The following PDE4D variants were observed in gnomAD, a reference collection of about 807,000 sequenced individuals.
PDE4D encodes 3',5'-cyclic-AMP phosphodiesterase 4D.
PDE4D carries 24 observed loss-of-function variants against 87.4 expected under a neutral mutation model. The observed-to-expected ratio is 0.27, with a 90% CI of 0.20 to 0.39. The LOEUF is 0.39. Among genes scored for constraint, PDE4D ranks in the 10% least tolerant of loss-of-function variants. The probability of loss-of-function intolerance (pLI) is 1.00; values close to 1 mark genes in which losing one functional copy is unlikely to be tolerated. For synonymous variants in PDE4D, 384 were observed against 383.2 expected (o/e 1.00, Z -0.02); for missense variants, 714 against 1,041.0 (o/e 0.69, Z 4.32).
chr5:60,491,744 G>A (rs1286379537), upstream of PDE4D, among the ~76,000 whole-genome samples: 1 of 152,196 alleles, frequency 6.6e-6, no homozygotes, highest in Non-Finnish European at 1.5e-5. Flanking sequence ...AACATGTAAA[G>A]CAGTATAACA....
intron 5 of PDE4D, among the ~76,000 whole-genome samples, chr5:59,152,578 A>G (rs1193080376): frequency 1.3e-5 from 2 of 152,232 alleles, no homozygotes; most frequent in Non-Finnish European, 2.9e-5. Flanking sequence ...GACGAAGGAT[A>G]CATGAAGCTA....
intron 6 of PDE4D, chr5:58,999,562 T>TAC: frequency 8.5e-7 from 1 of 1,182,480 alleles, no homozygotes; most frequent in Non-Finnish European, 1.1e-6. Flanking sequence ...TGTATATATA[T>TAC]ATATATGTAT....
chr5:59,805,475 G>C (rs1160700324), intron 1 of PDE4D, among the ~76,000 whole-genome samples: 1 of 152,152 alleles, frequency 6.6e-6, no homozygotes. Context: ...AAAATTCATT[G>C]ACTTTTACAC....
At chr5:60,102,558 T>C (rs534583372) in intron 2 of PDE4D, among the ~76,000 whole-genome samples, 1 of 152,262 alleles carries the variant, frequency 6.6e-6, no homozygotes, top group East Asian at 1.9e-4. Context: ...TGTCACGTTT[T>C]GAAGAAACCT....
At chr5:59,611,941 T>G (rs551141979) in intron 1 of PDE4D, among the ~76,000 whole-genome samples, 8 of 152,200 alleles carry the variant, frequency 5.3e-5, no homozygotes, top group Admixed American at 2.0e-4. Context: ...GCCACCGGAT[T>G]CCACTTCCTA....
chr5:60,338,253 G>T (rs1583462990), intron 1 of PDE4D, among the ~76,000 whole-genome samples: 1 of 152,176 alleles, frequency 6.6e-6, no homozygotes, highest in Non-Finnish European at 1.5e-5. Context: ...TCCATTGGAA[G>T]GACATGCAGG....
At chr5:60,081,393 A>G (rs1317583590) in intron 2 of PDE4D, among the ~76,000 whole-genome samples, 1 of 144,098 alleles carries the variant, frequency 6.9e-6, no homozygotes, top group Non-Finnish European at 1.5e-5. Flanking sequence ...ATCTCCTTCA[A>G]TTCTTCTCTG....
At chr5:59,035,434 T>TA (rs1200943461) in intron 6 of PDE4D, among the ~76,000 whole-genome samples, 1 of 152,330 alleles carries the variant, frequency 6.6e-6, no homozygotes, top group Non-Finnish European at 1.5e-5. Context: ...CTAAGAATTA[T>TA]AAAAATCCAT....
chr5:59,619,251 T>C (rs1450719163), intron 1 of PDE4D, among the ~76,000 whole-genome samples: 1 of 151,986 alleles, frequency 6.6e-6, no homozygotes, highest in Non-Finnish European at 1.5e-5. Flanking sequence ...GTAGAGCAGA[T>C]TGGATGAGAT....
chr5:59,491,433 G>A (rs1806161770), intron 1 of PDE4D, among the ~76,000 whole-genome samples: 1 of 152,122 alleles, frequency 6.6e-6, no homozygotes, highest in African/African-American at 2.4e-5. Context: ...TTCCAGTAAA[G>A]CAAGTTATCA....
intron 5 of PDE4D, among the ~76,000 whole-genome samples, chr5:59,168,010 A>G (rs1782162547): frequency 6.6e-6 from 1 of 152,200 alleles, no homozygotes; most frequent in African/African-American, 2.4e-5. Flanking sequence ...TTTGTGTGGC[A>G]TATAGAATAC....
At chr5:59,419,717 ATATT>A (rs1241793957) in intron 1 of PDE4D, among the ~76,000 whole-genome samples, 2 of 152,220 alleles carry the variant, frequency 1.3e-5, no homozygotes, top group African/African-American at 2.4e-5. Flanking sequence ...AATGAGGCTA[ATATT>A]TATTATTGAC....
chr5:59,171,080 C>T (rs986010225), intron 5 of PDE4D, among the ~76,000 whole-genome samples: 14 of 152,090 alleles, frequency 9.2e-5, no homozygotes, highest in African/African-American at 3.4e-4. Flanking sequence ...TGGGGTTTCA[C>T]CATGTTGGCC....
intron 1 of PDE4D, among the ~76,000 whole-genome samples, chr5:59,595,794 A>G (rs890748606): frequency 6.6e-6 from 1 of 151,964 alleles, no homozygotes; most frequent in Non-Finnish European, 1.5e-5. Flanking sequence ...GTCTGCTTGT[A>G]TATTTCTTTT....
Position 60,141,326 on chromosome 5 carries a change from AGGATGCAGAGAGCAAGCTTT to A in PDE4D, c.42+44211_42+44230del, listed in dbSNP as rs59509854. 6.4e-3 allele frequency among the ~76,000 whole-genome samples: 978 copies of A among 152,292 alleles called. 14 individuals are homozygous for A. The highest frequency in any genetic ancestry group is 0.046 in the East Asian group (239 of 5,170). The stretch of plus-strand genomic sequence containing the variant: ...TCAGGGGATTCTCTAAGAGTGTAAC[AGGATGCAGAGAGCAAGCTTT>A]GGCAAAGACACCTGTGGCTTCTTTA... On this transcript the variant is annotated intron_variant, in intron 2 of 16. Coordinates refer to the PDE4D transcript ENST00000502484.
chr5:60,316,030 A>C (rs1755551807), intron 1 of PDE4D, among the ~76,000 whole-genome samples: 1 of 152,158 alleles, frequency 6.6e-6, no homozygotes, highest in Admixed American at 6.5e-5. Flanking sequence ...GAAGAAAGTC[A>C]TTGGTAGCTT....
intron 1 of PDE4D, among the ~76,000 whole-genome samples, chr5:60,196,573 G>A (rs1448479334): frequency 1.3e-5 from 2 of 151,650 alleles, no homozygotes; most frequent in African/African-American, 2.4e-5. Context: ...ACAGCATGGT[G>A]CGTAGTTTGC....
In PDE4D at chr5:60,043,934, C is replaced by T. The variant is rs115726158; in HGVS notation, c.43-55217G>A. Among the ~76,000 whole-genome samples the T allele has an allele frequency of 5.5e-3, 843 of 152,228 alleles. 6 individuals carry two copies. Among genetic ancestry groups the T allele is most frequent in the African/African-American group, 0.02 (812 of 41,558 alleles). ...TCCTTTAAACACTTTAAATATTTCA[C>T]GCTACCTTCTTCTTTCTTGCATGGT... On this transcript the variant is annotated intron_variant, in intron 2 of 16. Coordinates refer to the PDE4D transcript ENST00000502484.
chr5:59,651,258 CAATAATAAT>C lies in PDE4D; in HGVS notation c.455+241901_455+241909del, dbSNP rs59177482. Among the ~76,000 whole-genome samples the C allele has an allele frequency of 6.6e-3, 943 of 142,230 alleles. 12 individuals carry two copies. The highest frequency in any genetic ancestry group is 0.016 in the African/African-American group (614 of 38,398). 93.3% of individuals were successfully genotyped at this position (142,230 alleles called of 152,430 possible). A position where few individuals can be genotyped will look rare whatever the true frequency, so the allele number is the denominator to read the frequency against. The stretch of plus-strand genomic sequence containing the variant: ...GCAACAGAGTGAGACTCTGTCTCAA[CAATAATAAT>C]AATAATAATAATAATAATAATAATA... On this transcript the variant is annotated intron_variant, in intron 1 of 14. Coordinates refer to ENST00000340635, the MANE Select transcript of PDE4D (RefSeq NM_001104631.2).
Sources: gnomAD v4.1 joint callset for allele counts (sites outside exome capture counted in the v4.1 genomes callset) on GRCh38, gnomAD v4.1.1 for gene constraint, MANE v1.5 for transcripts, NCBI Gene and HGNC (gene_info 2026-07-23, HGNC 2026-07-21) for gene names.